Variants in ASPH observed in about 807,000 individuals in gnomAD.
ASPH encodes the protein aspartate beta-hydroxylase, also known as aspartyl/asparaginyl beta-hydroxylase.
Under a neutral mutation model 118.4 loss-of-function variants are expected in ASPH, and 100 were observed. The ratio of observed to expected loss-of-function variants is 0.84; its 90% confidence interval spans 0.72 to 1.00. The LOEUF is 1.00. Ranked by LOEUF, ASPH falls within the 50% of genes least tolerant of loss-of-function variation. The pLI, the probability that ASPH is intolerant of heterozygous loss-of-function variation, is 0.00. For missense variants in ASPH, 920 were observed against 919.5 expected (o/e 1.00, Z -0.01); for synonymous variants, 315 against 325.6 (o/e 0.97, Z 0.35).
intron 1 of ASPH, among the ~76,000 whole-genome samples, chr8:61,693,859 T>C (rs150084528): frequency 1.9e-4 from 29 of 152,292 alleles, no homozygotes; most frequent in African/African-American, 7.0e-4. Flanking sequence ...CATGAGCCTT[T>C]GTTGCTCCTC....
chr8:61,688,159 T>C (rs556590191), intron 1 of ASPH, among the ~76,000 whole-genome samples: 20 of 152,290 alleles, frequency 1.3e-4, no homozygotes, highest in African/African-American at 4.8e-4. Context: ...TCCAAAGGTA[T>C]TTGGGAAGAA....
At chr8:61,687,939 TG>T (rs1831178264) in intron 1 of ASPH, among the ~76,000 whole-genome samples, 1 of 152,190 alleles carries the variant, frequency 6.6e-6, no homozygotes, top group African/African-American at 2.4e-5. Context: ...TACTAAGTTA[TG>T]GAAGGGATTC....
chr8:61,514,721 A>G (rs1031119774), intron 24 of ASPH, among the ~76,000 whole-genome samples: 7 of 151,934 alleles, frequency 4.6e-5, no homozygotes, highest in African/African-American at 1.5e-4. Flanking sequence ...AAACAAAACA[A>G]AACAAAAACA....
At chr8:61,554,650 G>C (rs1429929941) in intron 19 of ASPH, among the ~76,000 whole-genome samples, 1 of 152,158 alleles carries the variant, frequency 6.6e-6, no homozygotes, top group Non-Finnish European at 1.5e-5. Context: ...GGAGAACACA[G>C]ATAAAAAACA....
chr8:61,710,766 G>A (rs60224714), intron 1 of ASPH, among the ~76,000 whole-genome samples: 4,679 of 152,152 alleles, frequency 0.031, 238 homozygotes, highest in African/African-American at 0.11. Flanking sequence ...ATTTTGCTAG[G>A]GCCTCTTCAT....
chr8:61,695,050 CTG>C (rs1271641679), intron 1 of ASPH, among the ~76,000 whole-genome samples: 1 of 152,210 alleles, frequency 6.6e-6, no homozygotes, highest in Non-Finnish European at 1.5e-5. Context: ...TCCTCAGCAC[CTG>C]GGTCACCCTT....
intron 14 of ASPH, 132 bp downstream of exon 14, chr8:61,618,846 T>C: frequency 1.4e-6 from 1 of 714,634 alleles, no homozygotes; most frequent in Non-Finnish European, 2.2e-6. Flanking sequence ...TGATAAATCA[T>C]TGAAATAACA....
intron 9 of ASPH, 91 bp downstream of exon 9, chr8:61,643,295 C>T: frequency 7.1e-6 from 9 of 1,273,650 alleles, no homozygotes; most frequent in Non-Finnish European, 8.7e-6. Flanking sequence ...TTCTTTGATG[C>T]CTTTAAAAGA....
intron 3 of ASPH, among the ~76,000 whole-genome samples, chr8:61,679,169 C>A (rs562519790): frequency 3.3e-5 from 5 of 152,228 alleles, no homozygotes; most frequent in South Asian, 4.1e-4. Flanking sequence ...AAGCCACAAG[C>A]CAACTGCAAA....
chr8:61,627,819 C>A (rs1853607091), intron 13 of ASPH, among the ~76,000 whole-genome samples: 1 of 152,178 alleles, frequency 6.6e-6, no homozygotes, highest in African/African-American at 2.4e-5. Flanking sequence ...ATCTCCAAAA[C>A]CAGGACCGTC....
Position 61,714,469 on chromosome 8 carries a change from G to GAGCGGGTTCGGGCCGCTGC in ASPH, c.-117_-99dup, listed in dbSNP as rs1382722323. ...AACCGCTGGCGGCGGCGGGCCGCTGGAGCGGGTTCGGGCCGCTGCTCCTGC... is the reference window on the plus strand; with the variant it reads ...AACCGCTGGCGGCGGCGGGCCGCTGGAGCGGGTTCGGGCCGCTGCAGCGGGTTCGGGCCGCTGCTCCTGC... On this transcript the variant is annotated 5_prime_UTR_variant, in exon 1 of 25. Coordinates refer to ENST00000379454, the MANE Select transcript of ASPH (RefSeq NM_004318.4). The GAGCGGGTTCGGGCCGCTGC allele has an allele frequency of 2.2e-6, 3 of 1,361,426 alleles. No homozygotes were observed. Among genetic ancestry groups the GAGCGGGTTCGGGCCGCTGC allele is most frequent in the East Asian group, 3.1e-5 (1 of 32,232 alleles). The allele number at this position is 1,361,426 out of a possible 1,614,324, so 84.3% of individuals were successfully genotyped here. A position where few individuals can be genotyped will look rare whatever the true frequency, so the allele number is the denominator to read the frequency against.
chr8:61,614,410 T>C (rs1276035607), intron 14 of ASPH, among the ~76,000 whole-genome samples: 1 of 152,240 alleles, frequency 6.6e-6, no homozygotes, highest in African/African-American at 2.4e-5. Flanking sequence ...TGACCTTTGA[T>C]AATATACTAA....
intron 5 of ASPH, among the ~76,000 whole-genome samples, chr8:61,647,563 T>C (rs778480375): frequency 5.9e-5 from 9 of 151,946 alleles, no homozygotes; most frequent in Non-Finnish European, 1.3e-4. Context: ...CCCAGCTACT[T>C]GGGAGGCTGA....
intron 14 of ASPH, among the ~76,000 whole-genome samples, chr8:61,603,231 T>A (rs1302154268): frequency 1.4e-5 from 2 of 147,602 alleles, no homozygotes; most frequent in Non-Finnish European, 1.5e-5. Flanking sequence ...GAAAAGAAAT[T>A]CACAATAATT....
chr8:61,548,117 TG>T lies in ASPH; in HGVS notation c.1717del (p.Gln573SerfsTer14), dbSNP rs1243255136. The stretch of plus-strand genomic sequence containing the variant: ...CGTTTCTTTTGGGGTCCACCAAGGC[TG>T]TGCTTTCAGTCCATTCACATTGTAG... ...SLYNVNGLKA[Q>X]PWWTPKETGY... On this transcript the variant is annotated frameshift_variant, in exon 21 of 25. Coordinates refer to ENST00000379454, the MANE Select transcript of ASPH (RefSeq NM_004318.4). LOFTEE classifies it high-confidence loss of function. 1 of 1,613,916 alleles carries T rather than the reference TG, an allele frequency of 6.2e-7. No homozygotes were observed. The highest frequency in any genetic ancestry group is 8.5e-7 in the Non-Finnish European group (1 of 1,179,914).
intron 21 of ASPH, among the ~76,000 whole-genome samples, chr8:61,528,824 A>T (rs1241397582): frequency 6.6e-6 from 1 of 152,146 alleles, no homozygotes; most frequent in Non-Finnish European, 1.5e-5. Context: ...TCCTTGTTAT[A>T]TGTGGCACAC....
At chr8:61,677,074 C>G (rs896540251) in intron 3 of ASPH, among the ~76,000 whole-genome samples, 1 of 152,000 alleles carries the variant, frequency 6.6e-6, no homozygotes, top group African/African-American at 2.4e-5. Context: ...CTTTGCCTAC[C>G]GATATGAAAT....
rs1278215065 is a variant in ASPH, at chr8:61,501,456, T to C, written c.*1903A>G. 1 of 152,144 alleles carries C rather than the reference T, an allele frequency of 6.6e-6. No individual in the cohort carries two copies. The highest frequency in any genetic ancestry group is 6.6e-5 in the Admixed American group (1 of 15,266). The allele number at this position is 152,144 out of a possible 1,614,324, so 9.4% of individuals were successfully genotyped here. A position where few individuals can be genotyped will look rare whatever the true frequency, so the allele number is the denominator to read the frequency against. Reference sequence around the variant, plus strand: ...TACTCTCTTCCATAATTTCATTACATGAATGTAAGATGATGGCTCAAAAAT... The same window carrying C: ...TACTCTCTTCCATAATTTCATTACACGAATGTAAGATGATGGCTCAAAAAT... On this transcript the variant is annotated 3_prime_UTR_variant, in exon 25 of 25. Coordinates refer to ENST00000379454, the MANE Select transcript of ASPH (RefSeq NM_004318.4).
chr8:61,620,373 G>A (rs934949320), intron 13 of ASPH, among the ~76,000 whole-genome samples: 2 of 151,532 alleles, frequency 1.3e-5, no homozygotes, highest in South Asian at 2.1e-4. Flanking sequence ...GAACCACTGT[G>A]TACCTTTCTT....
Sources: allele counts gnomAD v4.1 joint callset (sites outside exome capture counted in the v4.1 genomes callset), GRCh38; gene constraint gnomAD v4.1.1; transcripts MANE v1.5; gene names NCBI Gene and HGNC (gene_info 2026-07-23, HGNC 2026-07-21).